The following CDH8 variants were observed in gnomAD, a reference collection of about 807,000 sequenced individuals.
CDH8 encodes cadherin-8.
Under a neutral mutation model 68.1 loss-of-function variants are expected in CDH8, and 17 were observed. That is an observed-to-expected ratio of 0.25 (90% CI 0.17 to 0.37). The LOEUF (loss-of-function observed/expected upper bound fraction) is 0.37. Ranked by LOEUF, CDH8 falls within the 10% of genes least tolerant of loss-of-function variation. CDH8 has a pLI of 1.00. For missense variants in CDH8, 763 were observed against 999.3 expected (o/e 0.76, Z 3.19); for synonymous variants, 372 against 365.1 (o/e 1.02, Z -0.21).
chr16:61,948,765 T>C (rs2143573469), intron 2 of CDH8, among the ~76,000 whole-genome samples: 1 of 152,316 alleles, frequency 6.6e-6, no homozygotes, highest in African/African-American at 2.4e-5. Context: ...TTTTAAGAAA[T>C]CTTCCTTTTT....
At chr16:61,945,847 T>TTTTTGTTTTGTTTTGTTTTG (rs1964793861) in intron 2 of CDH8, among the ~76,000 whole-genome samples, 1 of 152,178 alleles carries the variant, frequency 6.6e-6, no homozygotes, top group Non-Finnish European at 1.5e-5. Context: ...CACCGTGATT[T>TTTTTGTTTTGTTTTGTTTTG]TTTTGTTTTG....
chr16:61,837,985 C>T (rs2143007085), intron 4 of CDH8, among the ~76,000 whole-genome samples: 1 of 152,180 alleles, frequency 6.6e-6, no homozygotes, highest in African/African-American at 2.4e-5. Flanking sequence ...GAGGTGGATG[C>T]TCTAGTTAAT....
intron 10 of CDH8, among the ~76,000 whole-genome samples, chr16:61,656,931 C>G (rs1179862382): frequency 1.3e-5 from 2 of 152,024 alleles, no homozygotes; most frequent in Admixed American, 1.3e-4. Flanking sequence ...ATGTTGATTA[C>G]TGAAAGATAT....
intron 8 of CDH8, among the ~76,000 whole-genome samples, chr16:61,768,659 C>T (rs975060630): frequency 2.0e-5 from 3 of 151,504 alleles, no homozygotes; most frequent in Non-Finnish European, 4.4e-5. Flanking sequence ...TTTCACTCTG[C>T]TCTTAACAAT....
chr16:62,012,384 G>A (rs1901834533), intron 2 of CDH8, among the ~76,000 whole-genome samples: 1 of 152,146 alleles, frequency 6.6e-6, no homozygotes, highest in African/African-American at 2.4e-5. Flanking sequence ...CAGAAAGATT[G>A]TAGCTGTTCT....
intron 3 of CDH8, among the ~76,000 whole-genome samples, chr16:61,867,170 A>T (rs1194563366): frequency 1.3e-5 from 2 of 152,238 alleles, no homozygotes; most frequent in African/African-American, 4.8e-5. Flanking sequence ...ATGAGTTCAC[A>T]GAGTTTTTAA....
intron 10 of CDH8, 29 bp downstream of exon 10, chr16:61,713,812 A>G (rs372077445): frequency 8.9e-7 from 1 of 1,123,494 alleles, no homozygotes; most frequent in African/African-American, 1.5e-5. Context: ...TTTATATTGT[A>G]CTCTGTTTCA....
rs200455259 is a variant in CDH8 at position 61,911,630 on chromosome 16, C to T, written c.253-10157G>A. 4.6e-4 allele frequency among the ~76,000 whole-genome samples: 68 copies of T among 147,574 alleles called. 2 individuals are homozygous for T. In the East Asian group the frequency reaches 9.5e-3, roughly 21 times the overall value. On this transcript the variant is annotated intron_variant, in intron 2 of 11. Transcript: ENST00000577390. ...TCTTTATGAATTCCCTAAACCCCCC[C>T]CCACCACCTCTCTCTCTTTTTCACT...
chr16:61,700,830 A>T (rs1380344015), intron 10 of CDH8, among the ~76,000 whole-genome samples: 1 of 152,186 alleles, frequency 6.6e-6, no homozygotes, highest in African/African-American at 2.4e-5. Flanking sequence ...ATTGCACCAT[A>T]GGGTGGCCAT....
At chr16:61,656,438 G>A (rs1963450000) in intron 10 of CDH8, among the ~76,000 whole-genome samples, 1 of 152,110 alleles carries the variant, frequency 6.6e-6, no homozygotes. Context: ...ACACATGTTT[G>A]AGAAGCTCTG....
chr16:61,833,869 T>C (rs1316434973), intron 4 of CDH8, among the ~76,000 whole-genome samples: 2 of 151,870 alleles, frequency 1.3e-5, no homozygotes, highest in African/African-American at 2.4e-5. Context: ...TTCCTTTTGA[T>C]TGTATGCACC....
chr16:61,813,465 G>A (rs528508852), intron 7 of CDH8, among the ~76,000 whole-genome samples: 1 of 152,264 alleles, frequency 6.6e-6, no homozygotes, highest in African/African-American at 2.4e-5. Context: ...AGAATCTCCG[G>A]CCTGCCCCGC....
chr16:61,821,173 T>A, intron 5 of CDH8, 60 bp from the exon 6 acceptor site: 1 of 1,377,302 alleles, frequency 7.3e-7, no homozygotes, highest in South Asian at 1.4e-5. Flanking sequence ...TTCATTCATA[T>A]GGCAAATATC....
chr16:61,848,584 G>A (rs1567498565), intron 4 of CDH8, among the ~76,000 whole-genome samples: 1 of 152,020 alleles, frequency 6.6e-6, no homozygotes, highest in African/African-American at 2.4e-5. Context: ...TTCCACAGAA[G>A]ACAACAAATG....
At chr16:61,914,755 A>G (rs1597061647) in intron 2 of CDH8, among the ~76,000 whole-genome samples, 1 of 152,094 alleles carries the variant, frequency 6.6e-6, no homozygotes, top group Middle Eastern at 3.4e-3. Context: ...AAAAAAAAAA[A>G]AAAGAATGAT....
intron 9 of CDH8, among the ~76,000 whole-genome samples, chr16:61,721,664 T>A (rs1272217345): frequency 6.8e-6 from 1 of 147,052 alleles, no homozygotes; most frequent in African/African-American, 2.5e-5. Context: ...TGAAAAAAAA[T>A]GTTCACTCTT....
chr16:61,665,586 G>A (rs1279093043), intron 10 of CDH8, among the ~76,000 whole-genome samples: 1 of 151,722 alleles, frequency 6.6e-6, no homozygotes, highest in African/African-American at 2.4e-5. Context: ...CAGGTTGATG[G>A]GTGCAGCAAA....
rs557916597 is a variant in CDH8, at chr16:61,880,016, T to G, written c.547+21163A>C. 3.9e-5 allele frequency among the ~76,000 whole-genome samples: 6 copies of G among 151,956 alleles called. No individual in the cohort carries two copies. In the South Asian group the frequency reaches 1.2e-3, roughly 32 times the overall value. On this transcript the variant is annotated intron_variant, in intron 3 of 11. Coordinates refer to ENST00000577390, the MANE Select transcript of CDH8 (RefSeq NM_001796.5). ...TCTCGGCTCACTGCAACCTCTGCCT[T>G]CTGGGTTCAAGCGATTATCCTGCCT...
chr16:61,808,790 T>C (rs925816126), intron 7 of CDH8, among the ~76,000 whole-genome samples: 2 of 152,136 alleles, frequency 1.3e-5, no homozygotes, highest in Non-Finnish European at 2.9e-5. Flanking sequence ...AAGTTTTTTG[T>C]AAAGAACGTA....
Sources: allele counts gnomAD v4.1 joint callset (sites outside exome capture counted in the v4.1 genomes callset), GRCh38; gene constraint gnomAD v4.1.1; transcripts MANE v1.5; gene names NCBI Gene and HGNC (gene_info 2026-07-23, HGNC 2026-07-21).